Variants in TRPC3 observed in about 807,000 individuals in gnomAD.
TRPC3 encodes transient receptor potential cation channel subfamily C member 3.
Under a neutral mutation model 90.9 loss-of-function variants are expected in TRPC3, and 54 were observed. The observed-to-expected ratio is 0.59, with a 90% CI of 0.48 to 0.75. The LOEUF (loss-of-function observed/expected upper bound fraction) is 0.75. Ranked by LOEUF, TRPC3 falls within the 30% of genes least tolerant of loss-of-function variation. The probability of loss-of-function intolerance (pLI) is 0.00; values close to 1 mark genes in which losing one functional copy is unlikely to be tolerated. For synonymous variants in TRPC3, 424 were observed against 450.9 expected (o/e 0.94, Z 0.75); for missense variants, 918 against 1,194.5 (o/e 0.77, Z 3.41).
chr4:121,900,155 A>C (rs548195565), intron 9 of TRPC3, among the ~76,000 whole-genome samples: 2 of 152,354 alleles, frequency 1.3e-5, no homozygotes, highest in African/African-American at 4.8e-5. Flanking sequence ...CCAAAATAAC[A>C]CATCTTCCAA....
intron 1 of TRPC3, among the ~76,000 whole-genome samples, chr4:121,938,612 C>T (rs185490983): frequency 2.6e-4 from 39 of 152,224 alleles, no homozygotes; most frequent in African/African-American, 8.7e-4. Flanking sequence ...CATAACAATA[C>T]CACGAAGCAG....
At chr4:121,911,051 T>C (rs1000108917) in intron 5 of TRPC3, among the ~76,000 whole-genome samples, 10 of 152,252 alleles carry the variant, frequency 6.6e-5, no homozygotes, top group Admixed American at 3.3e-4. Context: ...ACTTAACAAA[T>C]TGTCCTGACT....
intron 3 of TRPC3, 98 bp from the exon 4 acceptor site, chr4:121,915,042 A>G: frequency 9.7e-7 from 1 of 1,026,130 alleles, no homozygotes; most frequent in East Asian, 2.6e-5. Context: ...TCCTAAAGAT[A>G]TTAAAGCATA....
At position 121,904,334 on chromosome 4, in the gene TRPC3, A is replaced by C; in HGVS notation, c.2241T>G (p.Tyr747Ter). 1 of 1,598,360 alleles carries C rather than the reference A, an allele frequency of 6.3e-7. No homozygotes were observed. Among genetic ancestry groups the C allele is most frequent in the Non-Finnish European group, 8.5e-7 (1 of 1,176,096 alleles). The change falls in exon 8 of 12, where the codon TAT becomes TAG. Residue 747 changes from tyrosine (Y) to a stop codon, truncating the protein, a stop_gained. Transcript: ENST00000379645. LOFTEE classifies it high-confidence loss of function. ...NMLIAMINSSYQEIEDDSDVE... is the reference protein window; with the variant it reads ...NMLIAMINSS Reference sequence around the variant, plus strand: ...AAAACCGATTTACCTCAATTTCTTGATATGAGCTATTAATCATAGCAATTA... The same window carrying C: ...AAAACCGATTTACCTCAATTTCTTGCTATGAGCTATTAATCATAGCAATTA...
intron 10 of TRPC3, among the ~76,000 whole-genome samples, chr4:121,898,901 C>T (rs80227357): frequency 0.059 from 8,928 of 152,078 alleles, 333 homozygotes; most frequent in South Asian, 0.15. Context: ...AATCAGTGGG[C>T]TGAGCCATTT....
intron 2 of TRPC3, among the ~76,000 whole-genome samples, chr4:121,931,977 C>G (rs554381094): frequency 1.3e-5 from 2 of 152,044 alleles, no homozygotes; most frequent in South Asian, 4.1e-4. Flanking sequence ...CTCCTTTTAG[C>G]AAAAAGGGGA....
In TRPC3 at chr4:121,878,285, A is replaced by T. The variant is rs1229065731; in HGVS notation, c.*1451T>A. On this transcript the variant is annotated 3_prime_UTR_variant, in exon 12 of 12. Transcript: ENST00000379645. ...TAAGAAATAATCTTTAAAGAGCTTT[A>T]TGTAGTTCCATTTAACACTTATTTC... 6.6e-6 allele frequency among the ~76,000 whole-genome samples: 1 copy of T among 152,234 alleles called. No homozygotes were observed. The highest frequency in any genetic ancestry group is 1.5e-5 in the Non-Finnish European group (1 of 68,030).
chr4:121,897,447 C>A, intron 10 of TRPC3, among the ~76,000 whole-genome samples: 2 of 53,208 alleles, frequency 3.8e-5, no homozygotes, highest in African/African-American at 7.9e-5. Context: ...TCAATCATCT[C>A]AACAGCAAAA....
intron 1 of TRPC3, among the ~76,000 whole-genome samples, chr4:121,937,468 C>T (rs1427436002): frequency 6.6e-6 from 1 of 152,202 alleles, no homozygotes; most frequent in Non-Finnish European, 1.5e-5. Flanking sequence ...AATTTGGTCT[C>T]CAGGAAGCTA....
intron 10 of TRPC3, among the ~76,000 whole-genome samples, chr4:121,884,351 T>A (rs1438094377): frequency 6.6e-6 from 1 of 151,580 alleles, no homozygotes; most frequent in Non-Finnish European, 1.5e-5. Context: ...GGCAGAGGAG[T>A]AGGTAGCAAG....
At position 121,951,371 on chromosome 4, in the gene TRPC3, C is replaced by T. The variant is rs990318537; in HGVS notation, c.215+95G>A. 9 of 838,984 alleles carry T rather than the reference C, an allele frequency of 1.1e-5. No individual in the cohort carries two copies. The African/African-American group carries it at 1.6e-4, about 15-fold the overall frequency. 52.0% of individuals were successfully genotyped at this position (838,984 alleles called of 1,614,324 possible). ...CCGTACCATGTGGGTCTCGGAGGTC[C>T]CGGGCTCGACGTGGAGCCGCCCGGC... On this transcript the variant is annotated intron_variant, in intron 1 of 11. Coordinates refer to ENST00000379645, the MANE Select transcript of TRPC3 (RefSeq NM_001130698.2). The surrounding 1 kb of genome is among the most constrained non-coding windows in gnomAD (Gnocchi z 4.4).
chr4:121,948,839 G>GT (rs1578663896), intron 1 of TRPC3, among the ~76,000 whole-genome samples: 1 of 98,312 alleles, frequency 1.0e-5, no homozygotes, highest in African/African-American at 3.4e-5. Context: ...AACTCTTTGC[G>GT]GTTTTTTTTT....
intron 7 of TRPC3, among the ~76,000 whole-genome samples, chr4:121,904,999 G>A (rs1005529208): frequency 9.9e-5 from 15 of 152,066 alleles, no homozygotes; most frequent in African/African-American, 3.6e-4. Flanking sequence ...ATATCCATCA[G>A]TAGGGGACAG....
intron 4 of TRPC3, among the ~76,000 whole-genome samples, chr4:121,913,206 G>T (rs1729172359): frequency 6.6e-6 from 1 of 152,142 alleles, no homozygotes; most frequent in Non-Finnish European, 1.5e-5. Flanking sequence ...TTACACAGCT[G>T]CAAAAAGGGC....
At chr4:121,944,309 G>A (rs1157076935) in intron 1 of TRPC3, among the ~76,000 whole-genome samples, 1 of 150,208 alleles carries the variant, frequency 6.7e-6, no homozygotes, top group Non-Finnish European at 1.5e-5. Context: ...CCTGAGCTAG[G>A]AAATTTAAAG....
intron 1 of TRPC3, among the ~76,000 whole-genome samples, chr4:121,940,660 G>A (rs1364415808): frequency 6.6e-6 from 1 of 152,202 alleles, no homozygotes; most frequent in Non-Finnish European, 1.5e-5. Flanking sequence ...ACAAGATTCT[G>A]TTCAGTATGA....
intron 11 of TRPC3, among the ~76,000 whole-genome samples, chr4:121,880,626 G>C (rs897220462): frequency 6.6e-5 from 10 of 150,534 alleles, no homozygotes; most frequent in African/African-American, 2.5e-4. Flanking sequence ...TTCTCTTCAA[G>C]GAGAGGCAGT....
intron 10 of TRPC3, among the ~76,000 whole-genome samples, chr4:121,896,570 A>G (rs77890355): frequency 6.6e-6 from 1 of 152,066 alleles, no homozygotes; most frequent in Non-Finnish European, 1.5e-5. Flanking sequence ...TACAATACTC[A>G]GGTATAAATT....
rs1228272706 is a variant in TRPC3 at position 121,877,973 on chromosome 4, T to C, written c.*1763A>G. Among the ~76,000 whole-genome samples, 2 of 152,146 alleles carry C rather than the reference T, an allele frequency of 1.3e-5. No homozygotes were observed. Among genetic ancestry groups the C allele is most frequent in the Non-Finnish European group, 2.9e-5 (2 of 68,028 alleles). On this transcript the variant is annotated 3_prime_UTR_variant, in exon 12 of 12. Coordinates refer to ENST00000379645, the MANE Select transcript of TRPC3 (RefSeq NM_001130698.2). ...TACAAAATATTCAGTTCCATAGCTA[T>C]AAGCAAAAACTTTTCACACTTGGAA...
Sources: allele counts gnomAD v4.1 joint callset (sites outside exome capture counted in the v4.1 genomes callset), GRCh38; gene constraint gnomAD v4.1.1; non-coding constraint Gnocchi (gnomAD v3.1); transcripts MANE v1.5; gene names NCBI Gene and HGNC (gene_info 2026-07-23, HGNC 2026-07-21).